The following SSBP3 variants were observed in gnomAD, a reference collection of about 807,000 sequenced individuals.
SSBP3 encodes single stranded DNA binding protein 3.
Under a neutral mutation model 69.6 loss-of-function variants are expected in SSBP3, and 5 were observed. The ratio of observed to expected loss-of-function variants is 0.07; its 90% confidence interval spans 0.04 to 0.15. SSBP3 has a LOEUF of 0.15. Ranked by LOEUF, SSBP3 falls within the 10% of genes least tolerant of loss-of-function variation. The pLI is 1.00. For synonymous variants in SSBP3, 196 were observed against 193.4 expected, an observed-to-expected ratio of 1.01 and a Z score of -0.11; for missense variants, 312 against 534.0, an observed-to-expected ratio of 0.58 and a Z score of 4.10.
At chr1:54,396,856 G>T (rs1237718236) in intron 4 of SSBP3, among the ~76,000 whole-genome samples, 1 of 151,416 alleles carries the variant, frequency 6.6e-6, no homozygotes, top group Non-Finnish European at 1.5e-5. Context: ...TTTGCAATTT[G>T]GGGTCTTGCC....
chr1:54,259,494 G>A (rs1644980530), intron 5 of SSBP3, among the ~76,000 whole-genome samples: 1 of 152,242 alleles, frequency 6.6e-6, no homozygotes, highest in South Asian at 2.1e-4. Context: ...TGCCAGGGAT[G>A]AGGAGACAGG....
intron 1 of SSBP3, among the ~76,000 whole-genome samples, chr1:54,405,200 T>G (rs1053607265): frequency 6.6e-6 from 1 of 152,158 alleles, no homozygotes; most frequent in African/African-American, 2.4e-5. Context: ...CAAACCCACC[T>G]AGGTTCCTCA....
intron 4 of SSBP3, among the ~76,000 whole-genome samples, chr1:54,303,957 A>G (rs1006331729): frequency 2.6e-5 from 4 of 152,216 alleles, no homozygotes; most frequent in African/African-American, 9.6e-5. Flanking sequence ...GTACATTTCT[A>G]CCAGACAGCG....
intron 4 of SSBP3, among the ~76,000 whole-genome samples, chr1:54,392,590 A>C (rs910876264): frequency 6.6e-6 from 1 of 152,230 alleles, no homozygotes; most frequent in African/African-American, 2.4e-5. Flanking sequence ...CACAGCTCAC[A>C]GTTTACAAAC....
intron 4 of SSBP3, among the ~76,000 whole-genome samples, chr1:54,386,451 A>AGG (rs1222680705): frequency 1.3e-5 from 2 of 152,024 alleles, no homozygotes; most frequent in Non-Finnish European, 1.5e-5. Flanking sequence ...CTGGCCAATG[A>AGG]GGGGATCCAC....
At chr1:54,358,726 G>A (rs1646906941) in intron 4 of SSBP3, among the ~76,000 whole-genome samples, 1 of 152,222 alleles carries the variant, frequency 6.6e-6, no homozygotes, top group Non-Finnish European at 1.5e-5. Context: ...AGGATTGCAA[G>A]TGGGGAGGGC....
chr1:54,383,845 G>A (rs1325769695), intron 4 of SSBP3, among the ~76,000 whole-genome samples: 1 of 152,100 alleles, frequency 6.6e-6, no homozygotes, highest in Non-Finnish European at 1.5e-5. Flanking sequence ...GGTGGCTCAC[G>A]CCTGTAATCC....
In SSBP3 at chr1:54,359,397, T is replaced by C. The variant is rs556666910; in HGVS notation, c.276+42464A>G. Among the ~76,000 whole-genome samples, 202 of 152,264 alleles carry C rather than the reference T, an allele frequency of 1.3e-3. 2 individuals are homozygous for C. The highest frequency in any genetic ancestry group is 4.8e-3 in the African/African-American group (200 of 41,552). ...GAAACCAGGGCCAGGGAGACTCTCA[T>C]AGTCAGAAGGGATTTTAGAGGTTAT... On this transcript the variant is annotated intron_variant, in intron 4 of 17. Transcript: ENST00000610401.
chr1:54,297,018 C>T (rs1645715174), intron 4 of SSBP3, among the ~76,000 whole-genome samples: 1 of 152,204 alleles, frequency 6.6e-6, no homozygotes. Context: ...TTATATCCGA[C>T]CTATCTTGCT....
At chr1:54,293,362 T>G (rs1645643269) in intron 4 of SSBP3, among the ~76,000 whole-genome samples, 1 of 152,138 alleles carries the variant, frequency 6.6e-6, no homozygotes, top group African/African-American at 2.4e-5. Context: ...GTTCATCCAC[T>G]GAGAATTCTG....
Position 54,341,089 on chromosome 1 carries a change from A to G in SSBP3, c.277-59562T>C, listed in dbSNP as rs376268812. On this transcript the variant is annotated intron_variant, in intron 4 of 17. Transcript: ENST00000610401. Reference sequence around the variant, plus strand: ...TCCAGGCCAGTGAAACAATGTCTGCATAGTAAGCCGGCTGGCACCTGGTGC... The same window carrying G: ...TCCAGGCCAGTGAAACAATGTCTGCGTAGTAAGCCGGCTGGCACCTGGTGC... Among the ~76,000 whole-genome samples the G allele has an allele frequency of 1.4e-4, 22 of 152,332 alleles. 1 individual carries two copies. In the East Asian group the frequency reaches 1.5e-3, roughly 11 times the overall value.
intron 4 of SSBP3, among the ~76,000 whole-genome samples, chr1:54,400,511 T>A (rs1649219613): frequency 6.6e-6 from 1 of 152,148 alleles, no homozygotes; most frequent in Non-Finnish European, 1.5e-5. Flanking sequence ...AAGAACCACA[T>A]CATAAGTGAA....
In SSBP3 at chr1:54,379,383, C is replaced by G. The variant is rs114484909; in HGVS notation, c.276+22478G>C. Reference sequence around the variant, plus strand: ...ACCTGTAATGAAGGTGAGTGGCCAGCACCAGGACGGGGACGTCTGCAATAA... The same window carrying G: ...ACCTGTAATGAAGGTGAGTGGCCAGGACCAGGACGGGGACGTCTGCAATAA... On this transcript the variant is annotated intron_variant, in intron 4 of 17. Coordinates refer to ENST00000610401, the Ensembl canonical transcript of SSBP3. Among the ~76,000 whole-genome samples the G allele has an allele frequency of 2.8e-3, 427 of 152,332 alleles. 2 individuals carry two copies. The highest frequency in any genetic ancestry group is 4.5e-3 in the Non-Finnish European group (307 of 68,028).
intron 4 of SSBP3, among the ~76,000 whole-genome samples, chr1:54,392,032 G>C (rs778175402): frequency 6.6e-6 from 1 of 151,958 alleles, no homozygotes; most frequent in Non-Finnish European, 1.5e-5. Context: ...CTCTCCTCCC[G>C]CGCCCACTCC....
chr1:54,393,192 G>A (rs768569067), intron 4 of SSBP3, among the ~76,000 whole-genome samples: 6 of 152,196 alleles, frequency 3.9e-5, no homozygotes, highest in African/African-American at 2.4e-5. Flanking sequence ...GCATCTGTGC[G>A]TCCACTGTTT....
intron 4 of SSBP3, among the ~76,000 whole-genome samples, chr1:54,360,112 C>A (rs1029258510): frequency 6.6e-6 from 1 of 152,208 alleles, no homozygotes; most frequent in East Asian, 1.9e-4. Context: ...TATCTTTTCT[C>A]TCGGTTTTGG....
chr1:54,384,105 CAAA>C lies in SSBP3; in HGVS notation c.276+17753_276+17755del, dbSNP rs34137070. Among the ~76,000 whole-genome samples, 65 of 94,094 alleles carry C rather than the reference CAAA, an allele frequency of 6.9e-4. 1 individual carries two copies. The highest frequency in any genetic ancestry group is 6.7e-3 in the Middle Eastern group (1 of 150). 61.7% of individuals were successfully genotyped at this position (94,094 alleles called of 152,430 possible). A position where few individuals can be genotyped will look rare whatever the true frequency, so the allele number is the denominator to read the frequency against. On this transcript the variant is annotated intron_variant, in intron 4 of 17. Coordinates refer to ENST00000610401, the Ensembl canonical transcript of SSBP3. Reference sequence around the variant, plus strand: ...TGGGCAACAGTGCAAGACTCCATCTCAAAAAAAAAAAAAAAAAAAAGCAAGAAC... The same window carrying C: ...TGGGCAACAGTGCAAGACTCCATCTCAAAAAAAAAAAAAAAAAGCAAGAAC...
intron 10 of SSBP3, among the ~76,000 whole-genome samples, 155 bp from the exon 11 acceptor site, chr1:54,242,367 G>C (rs958695511): frequency 6.6e-6 from 1 of 152,142 alleles, no homozygotes; most frequent in Non-Finnish European, 1.5e-5. Context: ...GGCAGTAATG[G>C]GTAACTTCAT....
At chr1:54,375,876 A>T (rs1169405201) in intron 4 of SSBP3, among the ~76,000 whole-genome samples, 1 of 152,172 alleles carries the variant, frequency 6.6e-6, no homozygotes, top group African/African-American at 2.4e-5. Flanking sequence ...AGGCCAGCCC[A>T]GTGCCATCCG....
Sources: allele counts gnomAD v4.1 joint callset (sites outside exome capture counted in the v4.1 genomes callset), GRCh38; gene constraint gnomAD v4.1.1; transcripts MANE v1.5; gene names NCBI Gene and HGNC (gene_info 2026-07-23, HGNC 2026-07-21).